RUFY3: variants seen among roughly 807,000 people sequenced by gnomAD.
RUFY3 encodes the protein RUN and FYVE domain containing 3, also known as protein RUFY3.
A neutral mutation model predicts 84.0 loss-of-function variants in RUFY3; 34 were observed. The observed-to-expected ratio is 0.40, with a 90% CI of 0.31 to 0.54. RUFY3 has a LOEUF of 0.54. Among genes scored for constraint, RUFY3 ranks in the 20% least tolerant of loss-of-function variants. The pLI is 0.39. For missense variants in RUFY3, 507 were observed against 736.8 expected (o/e 0.69, Z 3.61); for synonymous variants, 242 against 252.9 (o/e 0.96, Z 0.41).
At chr4:70,707,880 T>A (rs1740520910) in intron 1 of RUFY3, among the ~76,000 whole-genome samples, 1 of 152,238 alleles carries the variant, frequency 6.6e-6, no homozygotes, top group South Asian at 2.1e-4. Flanking sequence ...AAGTTCCTTG[T>A]TACCCTGCAG....
intron 10 of RUFY3, among the ~76,000 whole-genome samples, chr4:70,788,315 A>G (rs1195754494): frequency 6.6e-6 from 1 of 151,806 alleles, no homozygotes; most frequent in Non-Finnish European, 1.5e-5. Context: ...TTCGCCTCGT[A>G]ACCATACTAG....
chr4:70,773,999 T>C (rs1727415911), intron 6 of RUFY3, among the ~76,000 whole-genome samples: 1 of 152,232 alleles, frequency 6.6e-6, no homozygotes, highest in Admixed American at 6.5e-5. Flanking sequence ...AACTCTGTGC[T>C]GCGTTTATAC....
intron 8 of RUFY3, among the ~76,000 whole-genome samples, chr4:70,781,762 A>G (rs1728961333): frequency 6.6e-6 from 1 of 152,216 alleles, no homozygotes. Context: ...TAGGACAGGA[A>G]CTGAGCAGAG....
intron 12 of RUFY3, 141 bp from the exon 13 acceptor site, chr4:70,793,644 C>T: frequency 6.6e-7 from 1 of 1,526,658 alleles, no homozygotes. Flanking sequence ...ATTTCTTCAC[C>T]TGTGTCCTGC....
At chr4:70,753,534 C>T (rs1006535050) in intron 1 of RUFY3, among the ~76,000 whole-genome samples, 10 of 152,288 alleles carry the variant, frequency 6.6e-5, no homozygotes, top group Non-Finnish European at 2.9e-5. Flanking sequence ...GCTTCTCAAA[C>T]TTTAATGCAC....
intron 10 of RUFY3, among the ~76,000 whole-genome samples, chr4:70,787,187 A>AAAAAT (rs1553920475): frequency 2.1e-4 from 17 of 81,482 alleles, no homozygotes; most frequent in African/African-American, 7.8e-4. Flanking sequence ...AAAAAAAAAA[A>AAAAAT]ATATATATAT....
At chr4:70,739,830 A>T (rs903231863) in intron 1 of RUFY3, among the ~76,000 whole-genome samples, 5 of 144,524 alleles carry the variant, frequency 3.5e-5, no homozygotes, top group Middle Eastern at 3.7e-3. Flanking sequence ...TTAAAGTATA[A>T]AAAAAAAAAA....
Position 70,754,117 on chromosome 4 carries a change from A to G in RUFY3, c.179-8402A>G, listed in dbSNP as rs1723588722. 5.3e-5 allele frequency among the ~76,000 whole-genome samples: 8 copies of G among 152,128 alleles called. No homozygotes were observed. In the South Asian group the frequency reaches 1.0e-3, roughly 20 times the overall value. On this transcript the variant is annotated intron_variant, in intron 1 of 17. Coordinates refer to ENST00000381006, the MANE Select transcript of RUFY3 (RefSeq NM_001037442.4). ...AGGCTGGATGGAGTGCAATGGCACA[A>G]TCTTGGCTCACTGCAGTTTCTGCCT...
intron 1 of RUFY3, among the ~76,000 whole-genome samples, chr4:70,748,841 C>A (rs553905849): frequency 1.3e-5 from 2 of 152,022 alleles, no homozygotes; most frequent in Admixed American, 1.3e-4. Context: ...CATAAATGGC[C>A]CAGGAAAGAG....
chr4:70,798,408 G>A (rs1731791664), intron 14 of RUFY3, among the ~76,000 whole-genome samples: 1 of 152,020 alleles, frequency 6.6e-6, no homozygotes, highest in Non-Finnish European at 1.5e-5. Context: ...ACTTTTGGAT[G>A]CACATGGGCA....
At chr4:70,740,019 C>A (rs1295315689) in intron 1 of RUFY3, among the ~76,000 whole-genome samples, 1 of 150,090 alleles carries the variant, frequency 6.7e-6, no homozygotes, top group South Asian at 2.1e-4. Context: ...AGATGAAACA[C>A]CCATAGACCT....
At chr4:70,734,663 C>G in intron 1 of RUFY3, 1 of 638,754 alleles carries the variant, frequency 1.6e-6, no homozygotes, top group Non-Finnish European at 1.9e-6. Context: ...ATCAGTAGCT[C>G]TGTACTTGTA....
chr4:70,793,301 TG>T, intron 12 of RUFY3: 1 of 999,166 alleles, frequency 1.0e-6, no homozygotes, highest in Non-Finnish European at 1.2e-6. Flanking sequence ...ATATGTGGTT[TG>T]GGGGAAAGGA....
chr4:70,767,613 G>A (rs905473387), intron 4 of RUFY3, among the ~76,000 whole-genome samples: 1 of 151,892 alleles, frequency 6.6e-6, no homozygotes, highest in African/African-American at 2.4e-5. Context: ...TTACATCACT[G>A]GTTTTTTTGT....
At chr4:70,769,476 C>T (rs1578151182) in intron 5 of RUFY3, among the ~76,000 whole-genome samples, 2 of 152,334 alleles carry the variant, frequency 1.3e-5, no homozygotes, top group East Asian at 3.9e-4. Context: ...CCTGAGCCTT[C>T]AGTGAGTTGT....
chr4:70,792,914 C>A, intron 12 of RUFY3: 1 of 985,394 alleles, frequency 1.0e-6, no homozygotes, highest in Non-Finnish European at 1.2e-6. Flanking sequence ...CTTCATCAAC[C>A]TTTTGTGGTG....
chr4:70,788,488 A>G (rs1449699398), intron 10 of RUFY3, among the ~76,000 whole-genome samples: 1 of 152,152 alleles, frequency 6.6e-6, no homozygotes, highest in Non-Finnish European at 1.5e-5. Context: ...ATAATAAGAT[A>G]TGACCATCAG....
At chr4:70,759,318 C>T (rs1436348020) in intron 1 of RUFY3, among the ~76,000 whole-genome samples, 2 of 151,616 alleles carry the variant, frequency 1.3e-5, no homozygotes, top group African/African-American at 2.4e-5. Flanking sequence ...ATCCATGTTG[C>T]CATGAATCAT....
At chr4:70,776,871 A>G (rs1728059553) in intron 7 of RUFY3, among the ~76,000 whole-genome samples, 1 of 152,220 alleles carries the variant, frequency 6.6e-6, no homozygotes, top group Non-Finnish European at 1.5e-5. Flanking sequence ...TTTCCAAAAG[A>G]TTTTCTAAGG....
Sources: allele counts gnomAD v4.1 joint callset (sites outside exome capture counted in the v4.1 genomes callset), GRCh38; gene constraint gnomAD v4.1.1; transcripts MANE v1.5; gene names NCBI Gene and HGNC (gene_info 2026-07-23, HGNC 2026-07-21).